WWOX: variants seen among roughly 807,000 people sequenced by gnomAD.
WWOX encodes WW domain containing oxidoreductase.
WWOX carries 69 observed loss-of-function variants against 46.2 expected under a neutral mutation model. That is an observed-to-expected ratio of 1.49 (90% CI 1.23 to 1.82). The LOEUF is 1.82. Among genes scored for constraint, WWOX ranks in the 40% most tolerant of loss-of-function variants. The pLI is 0.00. For missense variants in WWOX, 919 were observed against 542.6 expected (o/e 1.69, Z -6.89); for synonymous variants, 359 against 202.6 (o/e 1.77, Z -6.56).
At chr16:78,690,695 G>C (rs1181618815) in intron 8 of WWOX, among the ~76,000 whole-genome samples, 1 of 152,104 alleles carries the variant, frequency 6.6e-6, no homozygotes. Context: ...CCCTCCATCT[G>C]GGTGCTTTCC....
intron 8 of WWOX, among the ~76,000 whole-genome samples, chr16:79,134,678 A>G (rs2049949253): frequency 6.6e-6 from 1 of 152,202 alleles, no homozygotes; most frequent in Non-Finnish European, 1.5e-5. Context: ...TTTCTTCACA[A>G]GGACATTCTT....
intron 8 of WWOX, among the ~76,000 whole-genome samples, chr16:78,812,969 T>C (rs1309221287): frequency 6.6e-6 from 1 of 152,234 alleles, no homozygotes; most frequent in Admixed American, 6.5e-5. Flanking sequence ...TATAAGAATT[T>C]TGTTATGAAT....
intron 8 of WWOX, among the ~76,000 whole-genome samples, chr16:79,120,984 G>C (rs746316895): frequency 2.6e-5 from 4 of 152,196 alleles, no homozygotes; most frequent in African/African-American, 7.2e-5. Flanking sequence ...GGCCAGGCTG[G>C]TTTCGAACTC....
intron 8 of WWOX, chr16:78,896,831 T>A (rs138616689): frequency 1.3e-5 from 2 of 152,108 alleles, no homozygotes; most frequent in Non-Finnish European, 2.9e-5. Flanking sequence ...ATTTACATAA[T>A]TTATGTTCTA....
intron 5 of WWOX, among the ~76,000 whole-genome samples, chr16:78,262,202 C>G (rs2079261019): frequency 6.8e-6 from 1 of 146,928 alleles, no homozygotes; most frequent in African/African-American, 2.5e-5. Flanking sequence ...TTTAAAATTA[C>G]TTTTTACTGC....
intron 4 of WWOX, among the ~76,000 whole-genome samples, chr16:78,161,916 G>A (rs915569042): frequency 2.0e-5 from 3 of 152,040 alleles, no homozygotes; most frequent in African/African-American, 4.8e-5. Flanking sequence ...CACCTCCTAG[G>A]TTAAGCATTG....
intron 8 of WWOX, among the ~76,000 whole-genome samples, chr16:79,055,219 G>C (rs1017915965): frequency 1.3e-5 from 2 of 152,164 alleles, no homozygotes; most frequent in African/African-American, 4.8e-5. Context: ...GCTGTTTTCT[G>C]TTATTTTGGT....
intron 8 of WWOX, among the ~76,000 whole-genome samples, chr16:78,554,423 G>T (rs1377535638): frequency 6.6e-6 from 1 of 152,284 alleles, no homozygotes; most frequent in Non-Finnish European, 1.5e-5. Flanking sequence ...TGGGTTTTAA[G>T]CTCCATACAG....
chr16:79,100,942 C>T (rs537167922), intron 8 of WWOX, among the ~76,000 whole-genome samples: 21 of 151,640 alleles, frequency 1.4e-4, no homozygotes, highest in African/African-American at 2.2e-4. Context: ...AGGGGTTAGG[C>T]GTAACGTCTT....
intron 5 of WWOX, among the ~76,000 whole-genome samples, chr16:78,352,191 G>A (rs1002991761): frequency 1.3e-5 from 2 of 152,220 alleles, no homozygotes; most frequent in South Asian, 2.1e-4. Context: ...ATTTTTCACA[G>A]GAGCCAGAAG....
At chr16:78,512,339 A>C (rs35450198) in intron 8 of WWOX, among the ~76,000 whole-genome samples, 11,697 of 152,296 alleles carry the variant, frequency 0.077, 600 homozygotes, top group Middle Eastern at 0.18. Context: ...TATGATGATA[A>C]TATACTTTTA....
intron 8 of WWOX, among the ~76,000 whole-genome samples, chr16:78,635,927 C>T (rs944106073): frequency 6.6e-6 from 1 of 152,078 alleles, no homozygotes; most frequent in Non-Finnish European, 1.5e-5. Flanking sequence ...TTATACAGAG[C>T]CAAGAGAGGT....
At chr16:78,189,370 T>A (rs1377124562) in intron 5 of WWOX, among the ~76,000 whole-genome samples, 1 of 152,228 alleles carries the variant, frequency 6.6e-6, no homozygotes, top group Non-Finnish European at 1.5e-5. Flanking sequence ...GGTGCTCTGA[T>A]GATGTAACAT....
chr16:79,135,462 A>G (rs986800984), intron 8 of WWOX, among the ~76,000 whole-genome samples: 6 of 152,232 alleles, frequency 3.9e-5, no homozygotes, highest in Non-Finnish European at 8.8e-5. Context: ...TAATTTTAAT[A>G]TAAATCTATT....
At chr16:78,637,945 C>G (rs1052494849) in intron 8 of WWOX, among the ~76,000 whole-genome samples, 13 of 152,094 alleles carry the variant, frequency 8.5e-5, no homozygotes, top group Admixed American at 4.6e-4. Context: ...GAAGGGGTCT[C>G]CATGGTTTCT....
intron 8 of WWOX, among the ~76,000 whole-genome samples, chr16:78,806,261 T>G (rs560814242): frequency 2.0e-5 from 3 of 152,306 alleles, no homozygotes; most frequent in Admixed American, 2.0e-4. Context: ...TTTCTGGCCA[T>G]TTGGATATCA....
chr16:78,444,386 TA>T (rs951563785), intron 8 of WWOX, among the ~76,000 whole-genome samples: 1 of 151,888 alleles, frequency 6.6e-6, no homozygotes, highest in African/African-American at 2.4e-5. Flanking sequence ...TGAAAGGAAA[TA>T]AAAAAAGGAG....
At chr16:78,870,831 A>G (rs774639464) in intron 8 of WWOX, among the ~76,000 whole-genome samples, 11 of 152,098 alleles carry the variant, frequency 7.2e-5, no homozygotes, top group Non-Finnish European at 1.0e-4. Context: ...CGAACTCCTG[A>G]GCTTAGGCAG....
intron 8 of WWOX, among the ~76,000 whole-genome samples, chr16:78,707,523 C>G (rs1220629530): frequency 6.6e-6 from 1 of 152,180 alleles, no homozygotes; most frequent in Non-Finnish European, 1.5e-5. Context: ...CATCTGAGCT[C>G]TCTCTTGCCA....
Sources: allele counts gnomAD v4.1 joint callset (sites outside exome capture counted in the v4.1 genomes callset), GRCh38; gene constraint gnomAD v4.1.1; transcripts MANE v1.5; gene names NCBI Gene and HGNC (gene_info 2026-07-23, HGNC 2026-07-21).